The following EML1 variants were observed in gnomAD, a reference collection of about 807,000 sequenced individuals.
EML1 encodes the protein echinoderm microtubule-associated protein-like 1.
Under a neutral mutation model 110.4 loss-of-function variants are expected in EML1, and 27 were observed. That is an observed-to-expected ratio of 0.24 (90% CI 0.18 to 0.34). The LOEUF (loss-of-function observed/expected upper bound fraction) is 0.34. EML1 is among the 10% of genes least tolerant of loss of function. The probability of loss-of-function intolerance (pLI) is 1.00; values close to 1 mark genes in which losing one functional copy is unlikely to be tolerated. For synonymous variants in EML1, 344 were observed against 385.8 expected, an observed-to-expected ratio of 0.89 and a Z score of 1.27; for missense variants, 741 against 1,030.9, an observed-to-expected ratio of 0.72 and a Z score of 3.85.
intron 5 of EML1, among the ~76,000 whole-genome samples, chr14:99,891,623 A>G (rs1354953335): frequency 6.6e-6 from 1 of 152,212 alleles, no homozygotes; most frequent in African/African-American, 2.4e-5. Flanking sequence ...TTATGCATCA[A>G]GTTATATAAC....
intron 16 of EML1, among the ~76,000 whole-genome samples, chr14:99,919,425 GACACACACACACACACACACACACAC>G (rs376238109): frequency 3.1e-5 from 3 of 97,470 alleles, no homozygotes; most frequent in African/African-American, 9.2e-5. Context: ...CATGCACACA[GACACACACACACACACACACACACAC>G]ACACACACAC....
chr14:99,737,803 G>A (rs1038309416), exon 1 of EML1: 5 of 1,289,204 alleles, frequency 3.9e-6, no homozygotes, highest in Non-Finnish European at 5.1e-6. Context: ...CTGCAGGCTG[G>A]TGGCCAGCCG....
intron 17 of EML1, among the ~76,000 whole-genome samples, chr14:99,933,988 G>A (rs1240774377): frequency 6.6e-6 from 1 of 152,196 alleles, no homozygotes; most frequent in East Asian, 1.9e-4. Flanking sequence ...CCAGCTACTT[G>A]GGAGGCTGAG....
chr14:99,739,091 T>TGTGTGTGTGTGTGTGTGA (rs112232539), intron 1 of EML1, among the ~76,000 whole-genome samples: 9 of 136,400 alleles, frequency 6.6e-5, no homozygotes, highest in Admixed American at 1.5e-4. Flanking sequence ...TGTGTGTGTG[T>TGTGTGTGTGTGTGTGTGA]GAGAGAGAGA....
chr14:99,747,850 G>A (rs2057130125), intron 1 of EML1, among the ~76,000 whole-genome samples: 2 of 152,314 alleles, frequency 1.3e-5, no homozygotes, highest in South Asian at 2.1e-4. Context: ...ACGGGAAGGG[G>A]CCTCATCTCA....
upstream of EML1, among the ~76,000 whole-genome samples, chr14:99,772,431 C>A (rs12884657): frequency 6.6e-6 from 1 of 152,022 alleles, no homozygotes. Context: ...GTCCAGACAA[C>A]AGACTTTCTA....
chr14:99,779,635 A>G (rs2057518584), intron 1 of EML1, among the ~76,000 whole-genome samples: 1 of 152,170 alleles, frequency 6.6e-6, no homozygotes, highest in Admixed American at 6.5e-5. Context: ...TTTCCACAAG[A>G]CTTCGTCATA....
intron 5 of EML1, chr14:99,892,073 A>AGGGCTCC (rs1178687546): frequency 1.7e-5 from 16 of 932,478 alleles, no homozygotes; most frequent in Admixed American, 1.2e-4. Flanking sequence ...CGGGCTAGTG[A>AGGGCTCC]GGGCTCCGGG....
At chr14:99,901,386 A>G (rs972585372) in intron 9 of EML1, among the ~76,000 whole-genome samples, 1 of 152,198 alleles carries the variant, frequency 6.6e-6, no homozygotes, top group Non-Finnish European at 1.5e-5. Flanking sequence ...TGTCTCTGCC[A>G]TCCTGCTACT....
intron 4 of EML1, among the ~76,000 whole-genome samples, chr14:99,886,569 ACTC>A (rs1343104355): frequency 1.3e-5 from 2 of 152,078 alleles, no homozygotes; most frequent in South Asian, 2.1e-4. Flanking sequence ...TTTGGAATGG[ACTC>A]CTCCTCTATC....
intron 1 of EML1, among the ~76,000 whole-genome samples, chr14:99,844,300 G>A (rs569075858): frequency 5.3e-5 from 8 of 152,180 alleles, no homozygotes; most frequent in South Asian, 2.1e-4. Context: ...CCCACATAGC[G>A]AAACCCCGTC....
intron 8 of EML1, among the ~76,000 whole-genome samples, chr14:99,900,586 G>T (rs1382923930): frequency 1.3e-5 from 2 of 152,162 alleles, no homozygotes; most frequent in South Asian, 2.1e-4. Context: ...ACCCATATGT[G>T]AGATTCCATT....
chr14:99,804,955 A>T (rs779384126), intron 1 of EML1, among the ~76,000 whole-genome samples: 3 of 152,054 alleles, frequency 2.0e-5, no homozygotes, highest in Non-Finnish European at 4.4e-5. Flanking sequence ...GCCACCCTGG[A>T]CTTCTGGTAG....
chr14:99,907,442 T>C, intron 9 of EML1, 196 bp from the exon 10 acceptor site: 2 of 598,422 alleles, frequency 3.3e-6, no homozygotes, highest in Non-Finnish European at 2.9e-6. Flanking sequence ...CACTGTGACC[T>C]GGATGACAGA....
At chr14:99,770,954 T>G (rs1442278458), upstream of EML1, among the ~76,000 whole-genome samples, 12 of 151,812 alleles carry the variant, frequency 7.9e-5, no homozygotes, top group African/African-American at 2.9e-4. Context: ...CCAGCTAATT[T>G]TTTGTATTTT....
intron 1 of EML1, among the ~76,000 whole-genome samples, chr14:99,806,589 T>A (rs1271093928): frequency 6.6e-6 from 1 of 152,134 alleles, no homozygotes; most frequent in Non-Finnish European, 1.5e-5. Flanking sequence ...ATGCTGGGAT[T>A]ATAGGCATGA....
chr14:99,847,239 T>C (rs537719090), intron 1 of EML1, among the ~76,000 whole-genome samples: 5 of 152,260 alleles, frequency 3.3e-5, no homozygotes, highest in Non-Finnish European at 7.3e-5. Flanking sequence ...GAATATGATG[T>C]GTCCTGAAAA....
chr14:99,777,789 G>T (rs1413038279), intron 1 of EML1, among the ~76,000 whole-genome samples: 1 of 152,044 alleles, frequency 6.6e-6, no homozygotes, highest in African/African-American at 2.4e-5. Context: ...GCATTTTTGT[G>T]GGGCAGTTTG....
At chr14:99,864,664 T>A (rs1374035164) in intron 2 of EML1, among the ~76,000 whole-genome samples, 1 of 152,026 alleles carries the variant, frequency 6.6e-6, no homozygotes, top group Non-Finnish European at 1.5e-5. Flanking sequence ...ATACAAAAAT[T>A]AGCTGGGCAT....
Sources: gnomAD v4.1 joint callset for allele counts (sites outside exome capture counted in the v4.1 genomes callset) on GRCh38, gnomAD v4.1.1 for gene constraint, MANE v1.5 for transcripts, NCBI Gene and HGNC (gene_info 2026-07-23, HGNC 2026-07-21) for gene names.